The following DOCK1 variants were observed in gnomAD, a reference collection of about 807,000 sequenced individuals.
DOCK1 encodes the protein dedicator of cytokinesis protein 1.
A neutral mutation model predicts 262.7 loss-of-function variants in DOCK1; 138 were observed. That is an observed-to-expected ratio of 0.53 (90% CI 0.46 to 0.61). The LOEUF (loss-of-function observed/expected upper bound fraction) is 0.61. Among genes scored for constraint, DOCK1 ranks in the 20% least tolerant of loss-of-function variants. The pLI is 0.00. For synonymous variants in DOCK1, 866 were observed against 867.4 expected (o/e 1.00, Z 0.03); for missense variants, 1,908 against 2,370.7 (o/e 0.80, Z 4.05).
intron 29 of DOCK1, among the ~76,000 whole-genome samples, chr10:127,297,666 A>T (rs2061547200): frequency 6.6e-6 from 1 of 152,214 alleles, no homozygotes; most frequent in Non-Finnish European, 1.5e-5. Flanking sequence ...ACTTTACAGT[A>T]ATACATTTCT....
chr10:126,913,458 C>G (rs768021941), intron 1 of DOCK1, among the ~76,000 whole-genome samples: 6 of 152,222 alleles, frequency 3.9e-5, no homozygotes, highest in African/African-American at 1.4e-4. Context: ...CCACAGCCCA[C>G]GAGGCTGGCT....
At chr10:127,203,322 G>T (rs558197864) in intron 27 of DOCK1, among the ~76,000 whole-genome samples, 7 of 152,178 alleles carry the variant, frequency 4.6e-5, no homozygotes, top group African/African-American at 1.4e-4. Context: ...GACAGGATAT[G>T]TGTTTTTATT....
intron 29 of DOCK1, among the ~76,000 whole-genome samples, chr10:127,293,922 A>C (rs1463132602): frequency 6.6e-6 from 1 of 152,228 alleles, no homozygotes; most frequent in African/African-American, 2.4e-5. Flanking sequence ...CTCTGCCTCC[A>C]GTATGCCCTG....
chr10:127,114,325 CAT>C (rs929585615), intron 25 of DOCK1, among the ~76,000 whole-genome samples: 1 of 152,152 alleles, frequency 6.6e-6, no homozygotes, highest in Admixed American at 6.6e-5. Flanking sequence ...CAGCTACACA[CAT>C]GTGTAGTTGA....
At chr10:127,037,849 T>C (rs2043748830) in intron 19 of DOCK1, 33 bp downstream of exon 19, 1 of 123,582 alleles carries the variant, frequency 8.1e-6, no homozygotes, top group African/African-American at 4.6e-5. Context: ...TTTTTGGGTC[T>C]TTTTTTTTTT....
chr10:126,925,068 G>A (rs561629554), intron 1 of DOCK1, among the ~76,000 whole-genome samples: 8 of 152,288 alleles, frequency 5.3e-5, no homozygotes, highest in South Asian at 4.1e-4. Context: ...TGGGCTTCCC[G>A]CCTCTATCAC....
At chr10:127,102,969 G>T (rs569489608) in intron 23 of DOCK1, among the ~76,000 whole-genome samples, 1 of 152,172 alleles carries the variant, frequency 6.6e-6, no homozygotes, top group South Asian at 2.1e-4. Flanking sequence ...TCCCCTGCCC[G>T]CTTCCCCACC....
At chr10:127,248,240 C>T (rs1181624255) in intron 28 of DOCK1, 131 bp downstream of exon 28, 7 of 842,656 alleles carry the variant, frequency 8.3e-6, no homozygotes, top group Non-Finnish European at 1.3e-5. Flanking sequence ...ATTTCAAATG[C>T]CTCCTGGGAA....
chr10:126,923,689 C>T (rs1022639416), intron 1 of DOCK1, among the ~76,000 whole-genome samples: 8 of 152,206 alleles, frequency 5.3e-5, no homozygotes, highest in African/African-American at 1.9e-4. Context: ...GAGAAAGGAG[C>T]GCCATTCTCG....
intron 35 of DOCK1, among the ~76,000 whole-genome samples, chr10:127,377,517 C>A (rs1389774435): frequency 2.0e-5 from 3 of 152,082 alleles, no homozygotes; most frequent in Non-Finnish European, 2.9e-5. Flanking sequence ...CCTTTAGAAC[C>A]AGCTTCGTGG....
chr10:127,055,294 C>CT (rs1459114248), intron 22 of DOCK1, among the ~76,000 whole-genome samples: 1 of 152,176 alleles, frequency 6.6e-6, no homozygotes, highest in African/African-American at 2.4e-5. Flanking sequence ...AGTGGGGTCT[C>CT]TTTATCTCCT....
intron 38 of DOCK1, among the ~76,000 whole-genome samples, chr10:127,388,726 G>C (rs938230636): frequency 6.6e-6 from 1 of 152,176 alleles, no homozygotes; most frequent in East Asian, 1.9e-4. Context: ...CCGCCCTGGG[G>C]CTTCTGCCCC....
intron 48 of DOCK1, among the ~76,000 whole-genome samples, chr10:127,438,585 C>T (rs749686887): frequency 6.6e-6 from 1 of 152,182 alleles, no homozygotes; most frequent in Non-Finnish European, 1.5e-5. Context: ...AAACAACCGT[C>T]TATCTGTAAT....
Position 127,176,187 on chromosome 10 carries a change from C to T in DOCK1, c.2847+48423C>T, listed in dbSNP as rs375404920. 11 of 1,614,036 alleles carry T rather than the reference C, an allele frequency of 6.8e-6. No homozygotes were observed. The African/African-American group carries it at 1.2e-4, about 18-fold the overall frequency. On this transcript the variant is annotated intron_variant, in intron 27 of 51. Transcript: ENST00000623213. The surrounding 1 kb of genome is among the most constrained non-coding windows in gnomAD (Gnocchi z 4.4). ...CACGGGCTTGGCCTCCCGCTTCTCCCCCAGCTGGCCCGAGGACAGCTGTGT... is the reference window on the plus strand; with the variant it reads ...CACGGGCTTGGCCTCCCGCTTCTCCTCCAGCTGGCCCGAGGACAGCTGTGT...
Position 127,439,201 on chromosome 10 carries a change from T to G in DOCK1, c.5235T>G (p.Ser1745=). The part of the protein sequence containing the change: ...FKPTDISLQQ[S]EAVILSETIS... ...CCACCGACATTTCCCTGCAGCAGTC[T>G]GAGGCTGTGATCCTTTCGGAAACGG... The change falls in exon 49 of 52, where the codon TCT becomes TCG. Residue 1745 remains serine (S), a synonymous_variant. Coordinates refer to ENST00000623213, the MANE Select transcript of DOCK1 (RefSeq NM_001290223.2). The G allele has an allele frequency of 6.2e-7, 1 of 1,611,380 alleles. No individual in the cohort carries two copies. Among genetic ancestry groups the G allele is most frequent in the South Asian group, 1.1e-5 (1 of 89,942 alleles).
intron 1 of DOCK1, among the ~76,000 whole-genome samples, chr10:126,919,956 TACG>T (rs2033010034): frequency 6.6e-6 from 1 of 152,136 alleles, no homozygotes; most frequent in South Asian, 2.1e-4. Flanking sequence ...GGTGGGGAGT[TACG>T]TCTTGGAGGG....
intron 27 of DOCK1, chr10:127,177,187 G>C (rs997171643): frequency 6.6e-6 from 1 of 151,738 alleles, no homozygotes; most frequent in African/African-American, 2.4e-5. Context: ...ATCAAGTTTT[G>C]TGTTGTGATC....
intron 43 of DOCK1, among the ~76,000 whole-genome samples, chr10:127,411,638 C>G (rs918903017): frequency 6.6e-6 from 1 of 151,994 alleles, no homozygotes; most frequent in East Asian, 1.9e-4. Context: ...TTCAGGAGTT[C>G]GAGACCAGCC....
intron 17 of DOCK1, 145 bp downstream of exon 17, chr10:127,031,898 C>A: frequency 1.1e-6 from 1 of 893,930 alleles, no homozygotes; most frequent in Non-Finnish European, 1.7e-6. Context: ...TTTCCAATGA[C>A]CAGCCCTTTT....
Sources: gnomAD v4.1 joint callset for allele counts (sites outside exome capture counted in the v4.1 genomes callset) on GRCh38, gnomAD v4.1.1 for gene constraint, Gnocchi (gnomAD v3.1) non-coding constraint, MANE v1.5 for transcripts, NCBI Gene and HGNC (gene_info 2026-07-23, HGNC 2026-07-21) for gene names.